Variants in NAV2 observed in about 807,000 individuals in gnomAD.
NAV2 encodes the protein helicase, APC down-regulated 1.
A neutral mutation model predicts 223.2 loss-of-function variants in NAV2; 54 were observed. The ratio of observed to expected loss-of-function variants is 0.24; its 90% CI spans 0.19 to 0.30. NAV2 has a LOEUF of 0.30. Ranked by LOEUF, NAV2 falls within the 10% of genes least tolerant of loss-of-function variation. The pLI, the probability that NAV2 is intolerant of heterozygous loss-of-function variation, is 1.00. For synonymous variants in NAV2, 1,279 were observed against 1,239.3 expected (o/e 1.03, Z -0.67); for missense variants, 2,806 against 3,147.5 (o/e 0.89, Z 2.60).
chr11:19,507,773 C>T (rs909864863), intron 1 of NAV2, among the ~76,000 whole-genome samples: 1 of 152,110 alleles, frequency 6.6e-6, no homozygotes. Context: ...CTATATGTCC[C>T]TATGTTGTGT....
chr11:19,682,660 A>T (rs2048911271), intron 1 of NAV2, among the ~76,000 whole-genome samples: 1 of 152,190 alleles, frequency 6.6e-6, no homozygotes, highest in Non-Finnish European at 1.5e-5. Context: ...ATGATAGCAG[A>T]AGGGATGGGG....
intron 1 of NAV2, among the ~76,000 whole-genome samples, chr11:19,489,059 A>G (rs2042538049): frequency 1.3e-5 from 2 of 152,180 alleles, no homozygotes; most frequent in South Asian, 4.1e-4. Context: ...CCCAGAACTC[A>G]GCATCTCTTC....
chr11:19,610,845 T>C (rs2046619434), intron 1 of NAV2, among the ~76,000 whole-genome samples: 1 of 151,922 alleles, frequency 6.6e-6, no homozygotes, highest in Non-Finnish European at 1.5e-5. Flanking sequence ...GATGAATTGG[T>C]GGGTGGGTGG....
chr11:19,529,264 TAAG>T (rs1213639686), intron 1 of NAV2, among the ~76,000 whole-genome samples: 2 of 152,344 alleles, frequency 1.3e-5, no homozygotes, highest in African/African-American at 2.4e-5. Flanking sequence ...GTCATAAAGT[TAAG>T]AAGCATTTAG....
intron 19 of NAV2, among the ~76,000 whole-genome samples, chr11:20,057,297 T>A (rs2058425054): frequency 6.6e-6 from 1 of 152,218 alleles, no homozygotes; most frequent in Admixed American, 6.5e-5. Context: ...TTTTAAAGAA[T>A]GTATTTACAG....
intron 1 of NAV2, among the ~76,000 whole-genome samples, chr11:19,617,963 C>G (rs2046848052): frequency 6.6e-6 from 1 of 152,146 alleles, no homozygotes; most frequent in South Asian, 2.1e-4. Flanking sequence ...CTCACTCTCT[C>G]CTTCAAGACT....
chr11:19,896,412 A>G (rs980636220), intron 6 of NAV2, among the ~76,000 whole-genome samples: 17 of 152,176 alleles, frequency 1.1e-4, no homozygotes, highest in African/African-American at 3.9e-4. Flanking sequence ...TGTGAATGAA[A>G]TCACACAGCA....
intron 6 of NAV2, among the ~76,000 whole-genome samples, chr11:19,929,295 C>G (rs1298116257): frequency 6.6e-6 from 1 of 152,058 alleles, no homozygotes; most frequent in Non-Finnish European, 1.5e-5. Context: ...GAACAGGCCC[C>G]AAACAGCCAC....
intron 3 of NAV2, among the ~76,000 whole-genome samples, chr11:19,863,724 T>C (rs1027652508): frequency 7.9e-5 from 12 of 152,218 alleles, no homozygotes; most frequent in Admixed American, 2.0e-4. Context: ...TCTTTCACAG[T>C]AACCATAACA....
chr11:19,815,355 A>T lies in NAV2; in HGVS notation c.268-17129A>T, dbSNP rs1247782304. 1.3e-5 allele frequency among the ~76,000 whole-genome samples: 2 copies of T among 152,300 alleles called. 1 individual carries two copies. The highest frequency in any genetic ancestry group is 4.1e-4 in the South Asian group (2 of 4,824). On this transcript the variant is annotated intron_variant, in intron 1 of 37. Transcript: ENST00000349880. The stretch of plus-strand genomic sequence containing the variant: ...AGCACAATTAATGGGGATGTCCCTG[A>T]GTTCTCATTATTATTTTTAACTCCT...
chr11:19,398,604 C>T (rs1350224227), intron 1 of NAV2, among the ~76,000 whole-genome samples: 5 of 152,198 alleles, frequency 3.3e-5, no homozygotes, highest in African/African-American at 1.2e-4. Context: ...CATTCACCCT[C>T]TGCTCTCATG....
At chr11:19,526,568 G>C (rs2043848942) in intron 1 of NAV2, among the ~76,000 whole-genome samples, 1 of 152,090 alleles carries the variant, frequency 6.6e-6, no homozygotes, top group Non-Finnish European at 1.5e-5. Flanking sequence ...TGAAGAAGAA[G>C]GGGAAAAGAG....
intron 11 of NAV2, among the ~76,000 whole-genome samples, chr11:19,999,018 C>T (rs11601815): frequency 0.18 from 27,415 of 152,160 alleles, 4,247 homozygotes; most frequent in African/African-American, 0.42. Flanking sequence ...ATTACATATA[C>T]CATGAAGGAA....
intron 1 of NAV2, among the ~76,000 whole-genome samples, chr11:19,784,838 C>T (rs930711100): frequency 3.3e-5 from 5 of 152,100 alleles, no homozygotes; most frequent in Admixed American, 1.3e-4. Context: ...GAACGCAAAG[C>T]GCTCAGTACA....
At chr11:19,943,750 G>A (rs372838376) in intron 8 of NAV2, among the ~76,000 whole-genome samples, 2 of 152,056 alleles carry the variant, frequency 1.3e-5, no homozygotes, top group East Asian at 1.9e-4. Context: ...ATTGCTCAAC[G>A]CTTGAAAATA....
In NAV2 at chr11:19,949,057, C is replaced by T; in HGVS notation, c.2622C>T (p.Ile874=). The change falls in exon 10 of 38, where the codon ATC becomes ATT. Residue 874 remains isoleucine, a synonymous_variant. Transcript: ENST00000349880. The part of the protein sequence containing the change: ...MSDGDVLSKN[I]RTDDITSGYM... Reference sequence around the variant, plus strand: ...ACGGGGATGTTCTGAGCAAGAACATCCGGACCGATGACATTACAAGCGGGT... The same window carrying T: ...ACGGGGATGTTCTGAGCAAGAACATTCGGACCGATGACATTACAAGCGGGT... The T allele has an allele frequency of 1.9e-6, 3 of 1,610,326 alleles. No homozygotes were observed. In the South Asian group the frequency reaches 3.3e-5, roughly 18 times the overall value.
chr11:19,900,190 C>A (rs1286195378), intron 6 of NAV2, among the ~76,000 whole-genome samples: 1 of 151,848 alleles, frequency 6.6e-6, no homozygotes, highest in East Asian at 1.9e-4. Context: ...AACTCAGTGA[C>A]CAGTTAGACC....
At chr11:19,469,261 G>A (rs954415070) in intron 1 of NAV2, among the ~76,000 whole-genome samples, 10 of 152,192 alleles carry the variant, frequency 6.6e-5, no homozygotes, top group African/African-American at 2.2e-4. Flanking sequence ...TCATGAATGA[G>A]CTGAGTCAGA....
Position 19,713,726 on chromosome 11 carries a change from A to G in NAV2, c.31A>G (p.Lys11Glu), listed in dbSNP as rs764558532. The G allele has an allele frequency of 4.4e-6, 7 of 1,582,510 alleles. No homozygotes were observed. Among genetic ancestry groups the G allele is most frequent in the Non-Finnish European group, 6.0e-6 (7 of 1,159,632 alleles). ...GGCCATCCTGGTCGCCTCCAAAATG[A>G]AGTCGGGACTGCCCAAACCCGTGCA... is the stretch of plus-strand genomic sequence containing the variant. MPAILVASKM[K>E]SGLPKPVHSA... Residue 11 changes from lysine (K) to glutamate (E), a missense_variant, in exon 1 of 38, where the codon AAG (lysine) becomes GAG (glutamate). Physicochemically the swap from Lys to Glu is moderately conservative, Grantham distance 56. Coordinates refer to ENST00000349880, the MANE Select transcript of NAV2 (RefSeq NM_145117.5). The surrounding 1 kb of genome is among the most constrained non-coding windows in gnomAD (Gnocchi z 7.2).
Sources: allele counts gnomAD v4.1 joint callset (sites outside exome capture counted in the v4.1 genomes callset), GRCh38; gene constraint gnomAD v4.1.1; non-coding constraint Gnocchi (gnomAD v3.1); transcripts MANE v1.5; gene names NCBI Gene and HGNC (gene_info 2026-07-23, HGNC 2026-07-21).